The following CHL1 variants were observed in gnomAD, a reference collection of about 807,000 sequenced individuals.
CHL1 encodes the protein neural cell adhesion molecule L1-like protein.
In CHL1, 96 loss-of-function variants were observed where a neutral mutation model predicts 141.9. The ratio of observed to expected loss-of-function variants is 0.68; its 90% CI spans 0.57 to 0.80. The LOEUF is 0.80. Ranked by LOEUF, CHL1 falls within the 30% of genes least tolerant of loss-of-function variation. The probability of loss-of-function intolerance (pLI) is 0.00; values close to 1 mark genes in which losing one functional copy is unlikely to be tolerated. For missense variants in CHL1, 1,820 were observed against 1,457.2 expected, an observed-to-expected ratio of 1.25 and a Z score of -4.05; for synonymous variants, 613 against 502.2, an observed-to-expected ratio of 1.22 and a Z score of -2.95.
chr3:366,750 C>A (rs1334063113), intron 15 of CHL1, among the ~76,000 whole-genome samples: 1 of 151,048 alleles, frequency 6.6e-6, no homozygotes, highest in Non-Finnish European at 1.5e-5. Flanking sequence ...CTTCTAGGTT[C>A]TTGATCACAA....
intron 2 of CHL1, among the ~76,000 whole-genome samples, chr3:292,512 TA>T (rs1168802516): frequency 1.6e-4 from 25 of 152,322 alleles, no homozygotes; most frequent in African/African-American, 5.5e-4. Context: ...ATATAATTAG[TA>T]AGTTGGATTC....
chr3:211,633 C>T (rs1472982768), intron 1 of CHL1, among the ~76,000 whole-genome samples: 1 of 152,174 alleles, frequency 6.6e-6, no homozygotes, highest in African/African-American at 2.4e-5. Context: ...ATTATCCCAT[C>T]CTTCTGACAA....
At chr3:288,574 G>C (rs1697380897) in intron 2 of CHL1, among the ~76,000 whole-genome samples, 1 of 152,142 alleles carries the variant, frequency 6.6e-6, no homozygotes, top group Admixed American at 6.5e-5. Flanking sequence ...CTGGGCTGCT[G>C]TTTCACACAC....
chr3:396,859 A>AT (rs1260043249), intron 24 of CHL1, among the ~76,000 whole-genome samples: 1 of 152,160 alleles, frequency 6.6e-6, no homozygotes, highest in Non-Finnish European at 1.5e-5. Context: ...CTTTGAAAAA[A>AT]ATATATATTT....
chr3:343,120 T>C lies in CHL1; in HGVS notation c.727+89T>C, dbSNP rs534858010. 605 of 962,514 alleles carry C rather than the reference T, an allele frequency of 6.3e-4. 10 individuals carry two copies. The South Asian group carries it at 9.0e-3, about 14-fold the overall frequency. The allele number at this position is 962,514 out of a possible 1,614,324, so 59.6% of individuals were successfully genotyped here. A position where few individuals can be genotyped will look rare whatever the true frequency, so the allele number is the denominator to read the frequency against. On this transcript the variant is annotated intron_variant, in intron 8 of 27. Coordinates refer to ENST00000256509, the MANE Select transcript of CHL1 (RefSeq NM_006614.4). Reference sequence around the variant, plus strand: ...ATTTTTTCTTTAATATCCTCTTAAGTTTATTACAATACTGTTATTATGAAA... The same window carrying C: ...ATTTTTTCTTTAATATCCTCTTAAGCTTATTACAATACTGTTATTATGAAA...
At chr3:227,183 A>C (rs972347108) in intron 1 of CHL1, among the ~76,000 whole-genome samples, 7 of 152,178 alleles carry the variant, frequency 4.6e-5, no homozygotes, top group Non-Finnish European at 1.0e-4. Context: ...CCATCTATTA[A>C]ACCCAAGCAG....
intron 2 of CHL1, among the ~76,000 whole-genome samples, chr3:261,685 A>G (rs1195286247): frequency 6.6e-6 from 1 of 152,160 alleles, no homozygotes; most frequent in Non-Finnish European, 1.5e-5. Context: ...ACAAAGATAG[A>G]ATGAGTATTT....
chr3:232,513 T>G (rs189824328), intron 1 of CHL1, among the ~76,000 whole-genome samples: 1 of 152,308 alleles, frequency 6.6e-6, no homozygotes, highest in East Asian at 1.9e-4. Context: ...GTTTTAGGTT[T>G]TTTAAAGAGT....
chr3:332,163 G>A (rs900711653), intron 5 of CHL1, among the ~76,000 whole-genome samples: 2 of 152,132 alleles, frequency 1.3e-5, no homozygotes, highest in African/African-American at 4.8e-5. Context: ...AAAAAATACA[G>A]CAGTCCACTC....
At chr3:400,586 C>CTTT (rs11374109) in intron 26 of CHL1, among the ~76,000 whole-genome samples, 118,766 of 139,476 alleles carry the variant, frequency 0.85, 52,891 homozygotes, top group East Asian at 0.98. Flanking sequence ...TATTTGAGGG[C>CTTT]TTTTTTTTTT....
At chr3:343,587 T>C (rs60634622) in intron 8 of CHL1, among the ~76,000 whole-genome samples, 2,521 of 152,322 alleles carry the variant, frequency 0.017, 61 homozygotes, top group African/African-American at 0.057. Flanking sequence ...CTATGGAAAA[T>C]GCCTGAGTAA....
At chr3:234,700 G>C (rs774478971) in intron 1 of CHL1, among the ~76,000 whole-genome samples, 1 of 152,108 alleles carries the variant, frequency 6.6e-6, no homozygotes, top group Non-Finnish European at 1.5e-5. Flanking sequence ...AATGGCTCAA[G>C]CAGGAAACAG....
chr3:391,268 C>CTGGG, intron 22 of CHL1, 109 bp downstream of exon 22: 1 of 882,774 alleles, frequency 1.1e-6, no homozygotes, highest in Non-Finnish European at 1.8e-6. Flanking sequence ...TAAATCCCAG[C>CTGGG]ACTTTGGGAG....
chr3:210,958 G>A (rs183309311), intron 1 of CHL1, among the ~76,000 whole-genome samples: 1 of 152,318 alleles, frequency 6.6e-6, no homozygotes, highest in East Asian at 1.9e-4. Flanking sequence ...TGAGAATACT[G>A]TTGGCTAAGA....
chr3:360,590 C>CTTT (rs5845966), intron 12 of CHL1, among the ~76,000 whole-genome samples, 166 bp downstream of exon 12: 2 of 130,700 alleles, frequency 1.5e-5, no homozygotes, highest in Admixed American at 7.2e-5. Flanking sequence ...ATTGTACTTT[C>CTTT]TTTTTTTTTT....
At chr3:391,274 G>A in intron 22 of CHL1, 115 bp downstream of exon 22, 1 of 798,892 alleles carries the variant, frequency 1.3e-6, no homozygotes. Context: ...CCAGCACTTT[G>A]GGAGGCCAAG....
chr3:249,681 A>T (rs904687032), intron 2 of CHL1, among the ~76,000 whole-genome samples: 1 of 152,172 alleles, frequency 6.6e-6, no homozygotes, highest in Non-Finnish European at 1.5e-5. Context: ...CACAGTTGCA[A>T]ACAGCAGGTA....
intron 15 of CHL1, 110 bp downstream of exon 15, chr3:366,225 C>A: frequency 9.8e-7 from 1 of 1,017,228 alleles, no homozygotes; most frequent in Non-Finnish European, 1.5e-6. Flanking sequence ...AATCCCAGCA[C>A]TTTGGGAGAC....
At chr3:238,777 A>G (rs940986371) in intron 1 of CHL1, among the ~76,000 whole-genome samples, 1 of 151,604 alleles carries the variant, frequency 6.6e-6, no homozygotes, top group African/African-American at 2.4e-5. Context: ...ATACAAAAAA[A>G]AAAAAAATAG....
Sources: allele counts gnomAD v4.1 joint callset (sites outside exome capture counted in the v4.1 genomes callset), GRCh38; gene constraint gnomAD v4.1.1; transcripts MANE v1.5; gene names NCBI Gene and HGNC (gene_info 2026-07-23, HGNC 2026-07-21).